The following PLCH2 variants were observed in gnomAD, a reference collection of about 807,000 sequenced individuals.
The protein encoded by PLCH2 is phospholipase C eta 2.
In PLCH2, 98 loss-of-function variants were observed where a neutral mutation model predicts 134.7. The observed-to-expected ratio is 0.73, with a 90% confidence interval of 0.62 to 0.86. The LOEUF (loss-of-function observed/expected upper bound fraction) is 0.86, where lower values mean the gene tolerates loss of function less well. Among genes scored for constraint, PLCH2 ranks in the 40% least tolerant of loss-of-function variants. PLCH2 has a pLI of 0.00. For missense variants in PLCH2, 1,994 were observed against 1,986.6 expected, an observed-to-expected ratio of 1.00 and a Z score of -0.07; for synonymous variants, 974 against 827.5, an observed-to-expected ratio of 1.18 and a Z score of -3.04.
chr1:2,502,106 T>C lies in PLCH2; in HGVS notation c.2662-6T>C. On this transcript the variant is annotated splice_polypyrimidine_tract_variant and splice_region_variant and intron_variant, in intron 20 of 21. Coordinates refer to ENST00000378486, the MANE Select transcript of PLCH2 (RefSeq NM_014638.4). ...GCAACAGCTACATGGGCTCCTTCTCTTGCAGGTCAAGCAGGCTCTGGGCCT... is the reference window on the plus strand; with the variant it reads ...GCAACAGCTACATGGGCTCCTTCTCCTGCAGGTCAAGCAGGCTCTGGGCCT... 7.0e-7 allele frequency: 1 copy of C among 1,430,994 alleles called. No individual in the cohort carries two copies. The highest frequency in any genetic ancestry group is 1.5e-5 in the South Asian group (1 of 67,804). The allele number at this position is 1,430,994 out of a possible 1,614,324, so 88.6% of individuals were successfully genotyped here.
Position 2,504,999 on chromosome 1 carries a change from T to C in PLCH2, c.4037T>C (p.Val1346Ala). Residue 1346 changes from valine (V) to alanine (A), a missense_variant, in exon 22 of 22, where the codon GTG becomes GCG. This residue lies in a region of PLCH2 where 900 missense variants were observed against 752.3 expected (regional missense o/e 1.20). Transcript: ENST00000378486. The stretch of plus-strand genomic sequence containing the variant: ...TCCTCCTCCCGCAGCCACAGCCGCG[T>C]GCGTGCCATTGCCAGCCGGGCCCGC... ...RRSSSRSHSR[V>A]RAIASRARQA... 2 of 1,545,476 alleles carry C rather than the reference T, an allele frequency of 1.3e-6. No individual in the cohort carries two copies. The highest frequency in any genetic ancestry group is 1.7e-6 in the Non-Finnish European group (2 of 1,151,032).
At chr1:2,436,260 C>T (rs1210112216) in intron 2 of PLCH2, among the ~76,000 whole-genome samples, 1 of 96,916 alleles carries the variant, frequency 1.0e-5, no homozygotes, top group Non-Finnish European at 2.2e-5. Context: ...CCCCTCCTCC[C>T]TCCTCCTCCT....
chr1:2,454,233 G>A (rs1409136910), intron 2 of PLCH2, among the ~76,000 whole-genome samples: 3 of 152,190 alleles, frequency 2.0e-5, no homozygotes, highest in African/African-American at 7.2e-5. Context: ...CACTGGAGGT[G>A]ACCTGGGCCT....
intron 20 of PLCH2, chr1:2,499,966 T>A (rs1406985213): frequency 3.4e-6 from 2 of 589,748 alleles, no homozygotes; most frequent in Admixed American, 5.9e-5. Context: ...AGGTCCTGAG[T>A]GCTCCGGGCC....
chr1:2,481,784 C>T (rs541727794), intron 4 of PLCH2, among the ~76,000 whole-genome samples: 1 of 152,238 alleles, frequency 6.6e-6, no homozygotes, highest in Non-Finnish European at 1.5e-5. Context: ...GGAGACGGCC[C>T]CAGTTTCAGA....
intron 2 of PLCH2, 55 bp from the exon 3 acceptor site, chr1:2,479,679 C>G: frequency 6.7e-7 from 1 of 1,496,728 alleles, no homozygotes; most frequent in African/African-American, 1.4e-5. Flanking sequence ...GGGCTGCCAG[C>G]AGGGGGACGC....
chr1:2,491,755 G>A (rs928540570), intron 11 of PLCH2, among the ~76,000 whole-genome samples: 16 of 152,240 alleles, frequency 1.1e-4, no homozygotes, highest in African/African-American at 3.9e-4. Flanking sequence ...TGTAGACCTT[G>A]AAGGAACCAG....
the PLCH2 span, among the ~76,000 whole-genome samples, chr1:2,416,790 T>C: frequency 2.5e-4 from 38 of 152,170 alleles, no homozygotes; most frequent in Non-Finnish European, 4.7e-4. Context: ...GGGCATGGGC[T>C]GGCCTGGGAA....
At chr1:2,430,958 AG>A (rs1432853666) in intron 2 of PLCH2, among the ~76,000 whole-genome samples, 1 of 152,138 alleles carries the variant, frequency 6.6e-6, no homozygotes, top group Non-Finnish European at 1.5e-5. Context: ...GTGCCCCTGC[AG>A]CTCACGATGC....
At chr1:2,418,750 G>A in the PLCH2 span, among the ~76,000 whole-genome samples, 3 of 152,170 alleles carry the variant, frequency 2.0e-5, no homozygotes, top group African/African-American at 4.8e-5. Flanking sequence ...GGAGTGAGCC[G>A]TGTGCTCCGC....
At chr1:2,503,262 C>A (rs560652639) in intron 21 of PLCH2, 7 of 558,462 alleles carry the variant, frequency 1.3e-5, no homozygotes, top group African/African-American at 1.1e-4. Context: ...GGGCGGCTGG[C>A]GACCTGCATG....
At chr1:2,434,870 A>ATGTCCTCGGGCGCCCATGC (rs1553238249) in intron 2 of PLCH2, among the ~76,000 whole-genome samples, 1 of 152,100 alleles carries the variant, frequency 6.6e-6, no homozygotes, top group Non-Finnish European at 1.5e-5. Context: ...TGGGTTGCGT[A>ATGTCCTCGGGCGCCCATGC]TGTCCTCGGG....
the PLCH2 span, among the ~76,000 whole-genome samples, chr1:2,417,622 G>A: frequency 6.6e-6 from 1 of 152,176 alleles, no homozygotes. Context: ...GCCCTGTCCT[G>A]CGAGCACTGC....
chr1:2,461,277 T>C (rs1400453040), intron 2 of PLCH2, among the ~76,000 whole-genome samples: 1 of 152,152 alleles, frequency 6.6e-6, no homozygotes, highest in Non-Finnish European at 1.5e-5. Context: ...CAGCGTCCAG[T>C]GGGGCTCTGC....
chr1:2,501,233 G>C (rs977776828), intron 20 of PLCH2: 1 of 152,098 alleles, frequency 6.6e-6, no homozygotes, highest in Non-Finnish European at 1.5e-5. Flanking sequence ...CTCTGTGCAC[G>C]AGCACGGCTC....
chr1:2,431,526 G>T (rs371075264), intron 2 of PLCH2, among the ~76,000 whole-genome samples: 1 of 152,186 alleles, frequency 6.6e-6, no homozygotes, highest in African/African-American at 2.4e-5. Context: ...AATGGACACC[G>T]GGGAAAGGGG....
rs549786466 is a variant in PLCH2 at position 2,482,668 on chromosome 1, G to T, written c.646-1780G>T. 9.9e-5 allele frequency among the ~76,000 whole-genome samples: 15 copies of T among 152,282 alleles called. No individual in the cohort carries two copies. The East Asian group carries it at 2.9e-3, about 29-fold the overall frequency. On this transcript the variant is annotated intron_variant, in intron 4 of 21. Coordinates refer to ENST00000378486, the MANE Select transcript of PLCH2 (RefSeq NM_014638.4). ...GGGGACAGGGACAAAGGGGCTGATG[G>T]GGCCACCTGACTGGTGACTCCCCTG...
chr1:2,487,640 A>G lies in PLCH2; in HGVS notation c.1157A>G (p.His386Arg). 2 of 1,613,426 alleles carry G rather than the reference A, an allele frequency of 1.2e-6. No homozygotes were observed. Among genetic ancestry groups the G allele is most frequent in the Non-Finnish European group, 1.7e-6 (2 of 1,179,794 alleles). The change falls in exon 8 of 22, where the codon CAT becomes CGT. Residue 386 changes from histidine (H) to arginine (R), a missense_variant. Physicochemically the swap from His to Arg is conservative, Grantham distance 29 (BLOSUM62 0). Coordinates refer to ENST00000378486, the MANE Select transcript of PLCH2 (RefSeq NM_014638.4). ...DGPDGEPIVHHGYTLTSKILF... is the reference protein window; with the variant it reads ...DGPDGEPIVHRGYTLTSKILF... Reference sequence around the variant, plus strand: ...CCCGACGGGGAGCCCATTGTGCACCATGGCTACACTCTGACTTCCAAGATC... The same window carrying G: ...CCCGACGGGGAGCCCATTGTGCACCGTGGCTACACTCTGACTTCCAAGATC...
intron 2 of PLCH2, among the ~76,000 whole-genome samples, chr1:2,459,469 CTTCCT>C (rs1640679289): frequency 1.0e-3 from 56 of 54,788 alleles, no homozygotes; most frequent in South Asian, 3.8e-3. Flanking sequence ...GGTGGTTCTC[CTTCCT>C]GGTGGTCCTC....
Sources: allele counts gnomAD v4.1 joint callset (sites outside exome capture counted in the v4.1 genomes callset), GRCh38; gene constraint gnomAD v4.1.1; regional missense constraint gnomAD v4.1.1; transcripts MANE v1.5; gene names NCBI Gene and HGNC (gene_info 2026-07-23, HGNC 2026-07-21).